The following HGSNAT variants were observed in gnomAD, a reference collection of about 807,000 sequenced individuals.
HGSNAT encodes heparan-alpha-glucosaminide N-acetyltransferase.
Under a neutral mutation model 85.2 loss-of-function variants are expected in HGSNAT, and 59 were observed. The observed-to-expected ratio is 0.69, with a 90% CI of 0.56 to 0.86. HGSNAT has a LOEUF of 0.86. HGSNAT is among the 40% of genes least tolerant of loss of function. The pLI is 0.00. For missense variants in HGSNAT, 756 were observed against 777.1 expected, an observed-to-expected ratio of 0.97 and a Z score of 0.32; for synonymous variants, 321 against 304.5, an observed-to-expected ratio of 1.05 and a Z score of -0.56.
chr8:43,182,021 G>A (rs1259863051), intron 10 of HGSNAT, 124 bp from the exon 11 acceptor site: 1 of 772,014 alleles, frequency 1.3e-6, no homozygotes, highest in East Asian at 2.4e-5. Flanking sequence ...ATGTCCAAGA[G>A]CTTAAAAAAG....
intron 9 of HGSNAT, among the ~76,000 whole-genome samples, chr8:43,174,571 A>G (rs139599395): frequency 7.9e-5 from 12 of 152,292 alleles, no homozygotes; most frequent in Admixed American, 7.8e-4. Context: ...ATTAAGTGAC[A>G]TTGCTCCCTC....
chr8:43,169,061 A>G, intron 5 of HGSNAT, 112 bp from the exon 6 acceptor site: 1 of 502,164 alleles, frequency 2.0e-6, no homozygotes, highest in East Asian at 3.2e-5. Flanking sequence ...AGAATGTTTA[A>G]TTACTTAGTA....
chr8:43,184,000 G>A (rs898075914), intron 11 of HGSNAT, among the ~76,000 whole-genome samples: 7 of 152,036 alleles, frequency 4.6e-5, no homozygotes, highest in African/African-American at 1.7e-4. Flanking sequence ...ATTCCATGGT[G>A]TATATGTGCC....
chr8:43,161,367 T>C (rs1388269343), intron 4 of HGSNAT, 71 bp from the exon 5 acceptor site: 49 of 1,210,138 alleles, frequency 4.0e-5, no homozygotes, highest in Non-Finnish European at 5.8e-5. Flanking sequence ...TAGATAAATG[T>C]AATGATGTGA....
chr8:43,182,554 C>G, intron 11 of HGSNAT: 1 of 412,980 alleles, frequency 2.4e-6, no homozygotes, highest in Non-Finnish European at 4.6e-6. Flanking sequence ...AGCGATCCTC[C>G]CTCCTCAGTC....
intron 2 of HGSNAT, among the ~76,000 whole-genome samples, chr8:43,157,480 A>C (rs1227602358): frequency 1.4e-5 from 1 of 71,584 alleles, no homozygotes; most frequent in African/African-American, 3.1e-5. Flanking sequence ...AGAATTGAAA[A>C]GAATAAGAAC....
At chr8:43,173,365 A>G (rs556763207) in intron 8 of HGSNAT, among the ~76,000 whole-genome samples, 1 of 150,630 alleles carries the variant, frequency 6.6e-6, no homozygotes, top group Non-Finnish European at 1.5e-5. Context: ...GCTGGAGTGC[A>G]ATGGCGCGAT....
At chr8:43,187,703 T>G (rs1804367756) in intron 11 of HGSNAT, among the ~76,000 whole-genome samples, 1 of 152,206 alleles carries the variant, frequency 6.6e-6, no homozygotes, top group African/African-American at 2.4e-5. Context: ...AGCTGGTTAT[T>G]TTGCACTTTA....
chr8:43,140,955 C>T (rs775014892), intron 1 of HGSNAT, among the ~76,000 whole-genome samples: 7 of 152,194 alleles, frequency 4.6e-5, no homozygotes, highest in Non-Finnish European at 8.8e-5. Context: ...ACCCCACAAA[C>T]TGGCAGCCAG....
At chr8:43,194,059 A>T in intron 14 of HGSNAT, 1 of 1,316,336 alleles carries the variant, frequency 7.6e-7, no homozygotes, top group South Asian at 2.2e-5. Context: ...TCTCAAAAAA[A>T]TTCTTACTTA....
chr8:43,197,449 A>G (rs774473621), intron 15 of HGSNAT: 13 of 572,634 alleles, frequency 2.3e-5, no homozygotes, highest in Non-Finnish European at 3.1e-5. Flanking sequence ...TTAATCAGTA[A>G]GCTTACCCTC....
At chr8:43,198,973 C>T (rs1274000354) in intron 17 of HGSNAT, among the ~76,000 whole-genome samples, 1 of 152,168 alleles carries the variant, frequency 6.6e-6, no homozygotes, top group Non-Finnish European at 1.5e-5. Context: ...GTGATTTTGG[C>T]TCACTGCAAC....
At chr8:43,182,297 T>C in intron 11 of HGSNAT, 37 bp downstream of exon 11, 1 of 1,489,022 alleles carries the variant, frequency 6.7e-7, no homozygotes, top group East Asian at 2.3e-5. Context: ...AAACTTTTTT[T>C]AAATTAAAAA....
intron 17 of HGSNAT, 52 bp downstream of exon 17, chr8:43,198,004 C>A: frequency 1.5e-6 from 2 of 1,306,794 alleles, no homozygotes; most frequent in Non-Finnish European, 2.2e-6. Context: ...AGGAGGCAGG[C>A]CCAGGGACCT....
chr8:43,141,991 C>T (rs1013257332), intron 1 of HGSNAT, among the ~76,000 whole-genome samples: 3 of 152,130 alleles, frequency 2.0e-5, no homozygotes, highest in Non-Finnish European at 4.4e-5. Context: ...TCCCTGTCAC[C>T]TGGAGCCCAT....
chr8:43,166,723 T>C (rs2130735736), intron 5 of HGSNAT, among the ~76,000 whole-genome samples: 1 of 152,312 alleles, frequency 6.6e-6, no homozygotes, highest in South Asian at 2.1e-4. Flanking sequence ...AGCCCATGGA[T>C]CAAGGAGTAA....
At chr8:43,166,037 A>G (rs920164292) in intron 5 of HGSNAT, among the ~76,000 whole-genome samples, 3 of 152,242 alleles carry the variant, frequency 2.0e-5, no homozygotes, top group Non-Finnish European at 4.4e-5. Flanking sequence ...CCCTTAAGCC[A>G]AAGCCTAATC....
intron 9 of HGSNAT, among the ~76,000 whole-genome samples, chr8:43,175,552 GTCC>G (rs1231776257): frequency 1.7e-5 from 2 of 114,804 alleles, no homozygotes; most frequent in East Asian, 2.6e-4. Context: ...CAGATCTTTT[GTCC>G]TCTTTTTTTT....
At chr8:43,169,360 A>G (rs1357418736) in intron 6 of HGSNAT, 118 bp downstream of exon 6, 16 of 618,078 alleles carry the variant, frequency 2.6e-5, no homozygotes, top group Middle Eastern at 2.9e-4. Context: ...GCCAGGTTGT[A>G]GCTCCCGTAT....
Sources: gnomAD v4.1 joint callset for allele counts (sites outside exome capture counted in the v4.1 genomes callset) on GRCh38, gnomAD v4.1.1 for gene constraint, MANE v1.5 for transcripts, NCBI Gene and HGNC (gene_info 2026-07-23, HGNC 2026-07-21) for gene names.